The following NINL variants were observed in gnomAD, a reference collection of about 807,000 sequenced individuals.
NINL encodes ninein like, also known as ninein-like protein.
In NINL, 153 loss-of-function variants were observed where a neutral mutation model predicts 160.3. The observed-to-expected ratio is 0.95, with a 90% confidence interval of 0.84 to 1.09. The LOEUF is 1.09. NINL is among the 50% of genes least tolerant of loss of function. NINL has a pLI of 0.00. For synonymous variants in NINL, 800 were observed against 734.8 expected (o/e 1.09, Z -1.43); for missense variants, 1,829 against 1,764.0 (o/e 1.04, Z -0.66).
chr20:25,583,436 A>G (rs1600382832), intron 1 of NINL, among the ~76,000 whole-genome samples: 1 of 152,360 alleles, frequency 6.6e-6, no homozygotes, highest in South Asian at 2.1e-4. Context: ...ACCATCTCAC[A>G]TCAGTTAGAA....
intron 13 of NINL, among the ~76,000 whole-genome samples, chr20:25,486,402 T>G (rs1165099129): frequency 6.6e-6 from 1 of 151,560 alleles, no homozygotes; most frequent in Non-Finnish European, 1.5e-5. Flanking sequence ...GAAAGAAGGG[T>G]TTTAAATTTG....
intron 4 of NINL, among the ~76,000 whole-genome samples, chr20:25,512,274 A>G (rs994937979): frequency 6.6e-6 from 1 of 152,158 alleles, no homozygotes; most frequent in African/African-American, 2.4e-5. Flanking sequence ...TGACACACTC[A>G]CACTCCTAAC....
At chr20:25,523,634 A>C (rs1236421753) in intron 2 of NINL, among the ~76,000 whole-genome samples, 1 of 151,650 alleles carries the variant, frequency 6.6e-6, no homozygotes, top group Non-Finnish European at 1.5e-5. Flanking sequence ...CTGGATATGT[A>C]GTATTTGTTT....
At chr20:25,465,449 G>A (rs528845461) in intron 19 of NINL, among the ~76,000 whole-genome samples, 3 of 152,266 alleles carry the variant, frequency 2.0e-5, no homozygotes, top group African/African-American at 4.8e-5. Flanking sequence ...TGTGACTTCC[G>A]AGGAGGGCTT....
chr20:25,584,713 G>A (rs1355101671), intron 1 of NINL, among the ~76,000 whole-genome samples: 3 of 152,134 alleles, frequency 2.0e-5, no homozygotes, highest in Non-Finnish European at 4.4e-5. Context: ...AGAGCAGAAA[G>A]AAACGTGGCC....
intron 5 of NINL, among the ~76,000 whole-genome samples, chr20:25,510,034 C>A (rs1261648945): frequency 1.3e-5 from 2 of 152,222 alleles, no homozygotes; most frequent in East Asian, 3.9e-4. Context: ...TGTAGCTTAT[C>A]TTCCCAAAAT....
At chr20:25,540,763 G>A (rs1046452308) in intron 1 of NINL, among the ~76,000 whole-genome samples, 9 of 152,172 alleles carry the variant, frequency 5.9e-5, no homozygotes, top group African/African-American at 1.2e-4. Flanking sequence ...TACTTCCAAT[G>A]GCCTTGCCAG....
intron 1 of NINL, among the ~76,000 whole-genome samples, chr20:25,553,038 C>T (rs1280834808): frequency 6.6e-6 from 1 of 151,722 alleles, no homozygotes; most frequent in African/African-American, 2.4e-5. Flanking sequence ...GTGCAGCGGC[C>T]TTGCTCACTG....
chr20:25,571,333 A>C (rs2065052769), intron 1 of NINL, among the ~76,000 whole-genome samples: 1 of 152,226 alleles, frequency 6.6e-6, no homozygotes. Flanking sequence ...ACCAGGGGCA[A>C]GGTGTCTGGC....
At chr20:25,540,298 T>A (rs769987633) in intron 1 of NINL, among the ~76,000 whole-genome samples, 16 of 152,124 alleles carry the variant, frequency 1.1e-4, no homozygotes, top group Non-Finnish European at 2.1e-4. Context: ...TGCCACCAAG[T>A]GAAAGAAAAT....
At chr20:25,534,727 C>T (rs1271733481) in intron 1 of NINL, among the ~76,000 whole-genome samples, 1 of 152,164 alleles carries the variant, frequency 6.6e-6, no homozygotes, top group Non-Finnish European at 1.5e-5. Flanking sequence ...CCCTCAATAT[C>T]CATAGGGGGT....
intron 17 of NINL, among the ~76,000 whole-genome samples, chr20:25,475,592 C>G (rs1208208689): frequency 6.6e-6 from 1 of 152,138 alleles, no homozygotes; most frequent in African/African-American, 2.4e-5. Flanking sequence ...GAAGCGAGGG[C>G]CGGGCGCAGT....
chr20:25,554,807 A>AAACT (rs1438943453), intron 1 of NINL, among the ~76,000 whole-genome samples: 1 of 151,828 alleles, frequency 6.6e-6, no homozygotes, highest in Non-Finnish European at 1.5e-5. Context: ...ACCATCTTAA[A>AAACT]AACAAACAAA....
intron 22 of NINL, among the ~76,000 whole-genome samples, chr20:25,458,063 C>T (rs192548921): frequency 2.3e-4 from 35 of 152,266 alleles, no homozygotes; most frequent in Non-Finnish European, 2.9e-5. Context: ...TCTCTGCCCT[C>T]GGCCTCTGGT....
chr20:25,468,820 TACCCTGTCCCAACTCTCACTGGTGGGC>T (rs2063000035), intron 18 of NINL, among the ~76,000 whole-genome samples: 1 of 100,910 alleles, frequency 9.9e-6, no homozygotes, highest in African/African-American at 3.9e-5. Flanking sequence ...GGCACCCCCC[TACCCTGTCCCAACTCTCACTGGTGGGC>T]GCCCCACCGC....
At chr20:25,463,727 G>A (rs964064285) in intron 19 of NINL, among the ~76,000 whole-genome samples, 6 of 152,178 alleles carry the variant, frequency 3.9e-5, no homozygotes, top group African/African-American at 9.7e-5. Flanking sequence ...CCAGAGTGAC[G>A]CCCACAACCA....
chr20:25,465,950 G>A (rs2062902693), intron 19 of NINL, among the ~76,000 whole-genome samples: 4 of 152,160 alleles, frequency 2.6e-5, no homozygotes, highest in Admixed American at 6.5e-5. Context: ...CGAGGCGGGA[G>A]ATGCACTTCC....
rs114143303 is a variant in NINL at position 25,480,845 on chromosome 20, G to A, written c.1811-578C>T. ...ACAGCCAGCGGCATCCAGGTGGGAC[G>A]TCAATGGGGCTACGGACCCACAGGC... On this transcript the variant is annotated intron_variant, in intron 14 of 23. Coordinates refer to ENST00000278886, the MANE Select transcript of NINL (RefSeq NM_025176.6). Among the ~76,000 whole-genome samples the A allele has an allele frequency of 5.5e-3, 835 of 152,282 alleles. 11 individuals carry two copies. The highest frequency in any genetic ancestry group is 0.019 in the African/African-American group (802 of 41,566).
chr20:25,517,922 G>A, intron 2 of NINL, 73 bp from the exon 3 acceptor site: 3 of 881,984 alleles, frequency 3.4e-6, no homozygotes, highest in East Asian at 2.8e-5. Flanking sequence ...GACTCTTTTG[G>A]ATTTTCTCTC....
Sources: allele counts gnomAD v4.1 joint callset (sites outside exome capture counted in the v4.1 genomes callset), GRCh38; gene constraint gnomAD v4.1.1; transcripts MANE v1.5; gene names NCBI Gene and HGNC (gene_info 2026-07-23, HGNC 2026-07-21).